RASSF5: variants seen among roughly 807,000 people sequenced by gnomAD.
The protein encoded by RASSF5 is ras association domain-containing protein 5.
Under a neutral mutation model 40.5 loss-of-function variants are expected in RASSF5, and 25 were observed. The observed-to-expected ratio is 0.62, with a 90% CI of 0.45 to 0.86. RASSF5 has a LOEUF of 0.86. RASSF5 is among the 40% of genes least tolerant of loss of function. The pLI, the probability that RASSF5 is intolerant of heterozygous loss-of-function variation, is 0.00. For synonymous variants in RASSF5, 246 were observed against 252.4 expected (o/e 0.97, Z 0.24); for missense variants, 521 against 572.8 (o/e 0.91, Z 0.92).
chr1:206,518,200 G>T (rs1666809495), intron 1 of RASSF5, among the ~76,000 whole-genome samples: 1 of 152,118 alleles, frequency 6.6e-6, no homozygotes, highest in Admixed American at 6.6e-5. Context: ...CACTGGGGGA[G>T]GTGGAGGGGA....
intron 2 of RASSF5, among the ~76,000 whole-genome samples, chr1:206,548,157 CAT>C (rs1263583314): frequency 6.6e-6 from 1 of 152,092 alleles, no homozygotes; most frequent in African/African-American, 2.4e-5. Context: ...CTGTATATAA[CAT>C]ATTCTTCTTT....
chr1:206,537,608 A>C (rs1553398834), intron 1 of RASSF5, among the ~76,000 whole-genome samples: 1 of 152,212 alleles, frequency 6.6e-6, no homozygotes, highest in East Asian at 1.9e-4. Flanking sequence ...CCAGTCAAGC[A>C]TCCCAAATTT....
chr1:206,528,172 G>C (rs1200337321), intron 1 of RASSF5, among the ~76,000 whole-genome samples: 1 of 151,972 alleles, frequency 6.6e-6, no homozygotes, highest in Non-Finnish European at 1.5e-5. Context: ...GAAATGAGTT[G>C]TCAAGCCATG....
At position 206,579,655 on chromosome 1, in the gene RASSF5, TAGG is replaced by T. The variant is rs1410875974; in HGVS notation, c.580-3611_580-3609del. Reference sequence around the variant, plus strand: ...AATGTTGCTGCGAATTAAAATCAACTAGGAGATTTTTAAAATTCCCATGCCCAG... The same window carrying T: ...AATGTTGCTGCGAATTAAAATCAACTAGATTTTTAAAATTCCCATGCCCAG... On this transcript the variant is annotated intron_variant, in intron 2 of 5. Coordinates refer to ENST00000579436, the MANE Select transcript of RASSF5 (RefSeq NM_182663.4). This position sits in a 1 kb window ranked among gnomAD's most constrained non-coding sequence, Gnocchi z 4.2. Among the ~76,000 whole-genome samples, 1 of 151,362 alleles carries T rather than the reference TAGG, an allele frequency of 6.6e-6. No homozygotes were observed. The highest frequency in any genetic ancestry group is 1.9e-4 in the East Asian group (1 of 5,204).
intron 2 of RASSF5, among the ~76,000 whole-genome samples, chr1:206,578,263 TAA>T (rs1668734130): frequency 6.6e-6 from 1 of 151,292 alleles, no homozygotes; most frequent in Non-Finnish European, 1.5e-5. Flanking sequence ...TGTGTGTGTG[TAA>T]GTAGATGCTT....
At chr1:206,559,508 C>A (rs941643031) in intron 2 of RASSF5, among the ~76,000 whole-genome samples, 1 of 152,220 alleles carries the variant, frequency 6.6e-6, no homozygotes, top group Non-Finnish European at 1.5e-5. Context: ...TTCTTCCCCC[C>A]AGTTCTCCTT....
intron 1 of RASSF5, among the ~76,000 whole-genome samples, chr1:206,525,781 T>A (rs1312875573): frequency 6.6e-6 from 1 of 152,212 alleles, no homozygotes; most frequent in Non-Finnish European, 1.5e-5. Context: ...TACTTTGGTG[T>A]CTGAGCAACA....
In RASSF5 at chr1:206,557,419, G is replaced by C. The variant is rs1223812270; in HGVS notation, c.579+19126G>C. ...GAAACGCAGGCGGCCCGCCGGCTCT[G>C]CCTGGTCCGCTACCCGACCAGCTCC... On this transcript the variant is annotated intron_variant, in intron 2 of 5. Coordinates refer to ENST00000579436, the MANE Select transcript of RASSF5 (RefSeq NM_182663.4). The C allele has an allele frequency of 2.8e-6, 4 of 1,409,324 alleles. No individual in the cohort carries two copies. In the African/African-American group the frequency reaches 5.9e-5, roughly 21 times the overall value. 87.3% of individuals were successfully genotyped at this position (1,409,324 alleles called of 1,614,324 possible). A position where few individuals can be genotyped will look rare whatever the true frequency, so the allele number is the denominator to read the frequency against.
chr1:206,523,423 T>TTA (rs1666962612), intron 1 of RASSF5, among the ~76,000 whole-genome samples: 1 of 96,798 alleles, frequency 1.0e-5, no homozygotes, highest in Admixed American at 1.6e-4. Context: ...ATATTATATA[T>TTA]TATATAATAT....
At chr1:206,536,856 C>T (rs965553873) in intron 1 of RASSF5, among the ~76,000 whole-genome samples, 25 of 152,108 alleles carry the variant, frequency 1.6e-4, no homozygotes, top group South Asian at 4.1e-4. Flanking sequence ...GAGATTCCAG[C>T]GCCTAGAAGG....
At chr1:206,547,609 T>C (rs1204579309) in intron 2 of RASSF5, among the ~76,000 whole-genome samples, 1 of 151,984 alleles carries the variant, frequency 6.6e-6, no homozygotes, top group African/African-American at 2.4e-5. Context: ...TATATTGCAA[T>C]GTAATAATAA....
rs576553302 is a variant in RASSF5, at chr1:206,541,183, C to T, written c.579+2890C>T. ...ATGCTGGGATTACAGGTGTGAGCCA[C>T]TGCGCCCGGCCCTCTCTGCTCTTTA... On this transcript the variant is annotated intron_variant, in intron 2 of 5. Coordinates refer to ENST00000579436, the MANE Select transcript of RASSF5 (RefSeq NM_182663.4). Among the ~76,000 whole-genome samples the T allele has an allele frequency of 2.2e-3, 336 of 152,362 alleles. 4 individuals carry two copies. Among genetic ancestry groups the T allele is most frequent in the African/African-American group, 7.9e-3 (328 of 41,578 alleles).
rs1215797072 is a variant in RASSF5, at chr1:206,516,488, G to A, written c.457+8429G>A. On this transcript the variant is annotated intron_variant, in intron 1 of 5. Transcript: ENST00000579436. ...TTTTTTTTTTTTGAGATGGAGTCTC[G>A]TTCTGTCGCCCAGACTGGAGTGCAG... Among the ~76,000 whole-genome samples the A allele has an allele frequency of 4.0e-5, 6 of 151,886 alleles. 1 individual carries two copies. Among genetic ancestry groups the A allele is most frequent in the South Asian group, 2.1e-4 (1 of 4,812 alleles).
intron 1 of RASSF5, among the ~76,000 whole-genome samples, chr1:206,533,931 G>C (rs1329594545): frequency 3.3e-5 from 5 of 152,120 alleles, no homozygotes; most frequent in African/African-American, 1.2e-4. Context: ...GCCACGTGAC[G>C]ATGGACACAG....
intron 2 of RASSF5, among the ~76,000 whole-genome samples, chr1:206,562,545 C>T (rs1449196401): frequency 1.3e-5 from 2 of 152,150 alleles, no homozygotes; most frequent in Admixed American, 6.5e-5. Context: ...ATTCACTGCC[C>T]GCTGCCTCCT....
At chr1:206,551,112 G>A (rs535515010) in intron 2 of RASSF5, among the ~76,000 whole-genome samples, 95 of 152,312 alleles carry the variant, frequency 6.2e-4, no homozygotes, top group East Asian at 2.9e-3. Context: ...GGAATGTCAG[G>A]AAAGTCAGAA....
chr1:206,582,266 C>T (rs1668919699), intron 2 of RASSF5, among the ~76,000 whole-genome samples: 1 of 152,190 alleles, frequency 6.6e-6, no homozygotes, highest in Non-Finnish European at 1.5e-5. Flanking sequence ...ACCTCAATCT[C>T]CTCAATTTCA....
intron 2 of RASSF5, 55 bp from the exon 3 acceptor site, chr1:206,583,214 C>T (rs1553406718): frequency 1.6e-6 from 2 of 1,229,464 alleles, no homozygotes; most frequent in African/African-American, 1.5e-5. Flanking sequence ...TGGTTGTTCC[C>T]TTTCTCACCC....
At chr1:206,515,241 C>G (rs1666716359) in intron 1 of RASSF5, among the ~76,000 whole-genome samples, 1 of 152,172 alleles carries the variant, frequency 6.6e-6, no homozygotes, top group South Asian at 2.1e-4. Context: ...TCAGCCAGGG[C>G]TGGGTAATTG....
Sources: allele counts gnomAD v4.1 joint callset (sites outside exome capture counted in the v4.1 genomes callset), GRCh38; gene constraint gnomAD v4.1.1; non-coding constraint Gnocchi (gnomAD v3.1); transcripts MANE v1.5; gene names NCBI Gene and HGNC (gene_info 2026-07-23, HGNC 2026-07-21).